MACROD2: variants seen among roughly 807,000 people sequenced by gnomAD.
MACROD2 encodes the protein ADP-ribose glycohydrolase MACROD2.
Under a neutral mutation model 70.4 loss-of-function variants are expected in MACROD2, and 36 were observed. The observed-to-expected ratio is 0.51, with a 90% CI of 0.39 to 0.68. The LOEUF is 0.68. Ranked by LOEUF, MACROD2 falls within the 30% of genes least tolerant of loss-of-function variation. The pLI is 0.00. For missense variants in MACROD2, 496 were observed against 538.4 expected, an observed-to-expected ratio of 0.92 and a Z score of 0.78; for synonymous variants, 172 against 178.8, an observed-to-expected ratio of 0.96 and a Z score of 0.30.
chr20:15,799,315 C>T (rs1001938486), intron 8 of MACROD2, among the ~76,000 whole-genome samples: 1 of 152,144 alleles, frequency 6.6e-6, no homozygotes, highest in African/African-American at 2.4e-5. Context: ...AATCTTCTAG[C>T]TATTTTTAAT....
At chr20:15,315,385 G>A (rs1304179) in intron 6 of MACROD2, among the ~76,000 whole-genome samples, 28,092 of 151,924 alleles carry the variant, frequency 0.18, 2,717 homozygotes, top group Middle Eastern at 0.27. Flanking sequence ...AGAGACTCAC[G>A]GTGAGACACA....
chr20:16,028,059 T>G (rs2067104170), intron 15 of MACROD2, among the ~76,000 whole-genome samples: 1 of 152,208 alleles, frequency 6.6e-6, no homozygotes, highest in African/African-American at 2.4e-5. Flanking sequence ...AAGCCAAATG[T>G]GATGACACCT....
intron 4 of MACROD2, among the ~76,000 whole-genome samples, chr20:14,639,856 G>A (rs1467991416): frequency 6.6e-6 from 1 of 152,060 alleles, no homozygotes; most frequent in Non-Finnish European, 1.5e-5. Context: ...AGTCTAATGG[G>A]GAACACTTTT....
chr20:15,520,599 G>A (rs564192342), intron 8 of MACROD2, among the ~76,000 whole-genome samples: 223 of 152,282 alleles, frequency 1.5e-3, no homozygotes, highest in African/African-American at 5.1e-3. Flanking sequence ...ACCCCCAACT[G>A]CCATGACAAT....
chr20:15,888,683 G>T (rs2064851607), intron 10 of MACROD2, among the ~76,000 whole-genome samples: 1 of 152,142 alleles, frequency 6.6e-6, no homozygotes, highest in African/African-American at 2.4e-5. Flanking sequence ...TTTGTCACCA[G>T]CAGCTGCATG....
At chr20:14,433,683 T>C (rs2084022079) in intron 3 of MACROD2, among the ~76,000 whole-genome samples, 2 of 152,072 alleles carry the variant, frequency 1.3e-5, no homozygotes, top group African/African-American at 2.4e-5. Context: ...AGCAATGCAA[T>C]GAAATGGAAA....
At chr20:14,747,496 C>G (rs930931139) in intron 5 of MACROD2, among the ~76,000 whole-genome samples, 4 of 152,120 alleles carry the variant, frequency 2.6e-5, no homozygotes, top group Non-Finnish European at 4.4e-5. Context: ...AAGGCTTCTG[C>G]CACCCTCTCT....
chr20:15,001,788 G>C (rs999364500), intron 5 of MACROD2, among the ~76,000 whole-genome samples: 2 of 151,730 alleles, frequency 1.3e-5, no homozygotes, highest in Non-Finnish European at 2.9e-5. Context: ...GTGGTGATTG[G>C]TGAGATTTTG....
chr20:15,746,733 A>G lies in MACROD2; in HGVS notation c.646-116012A>G, dbSNP rs1425248542. 2.0e-5 allele frequency among the ~76,000 whole-genome samples: 3 copies of G among 152,098 alleles called. No homozygotes were observed. In the East Asian group the frequency reaches 5.8e-4, roughly 29 times the overall value. ...GACATCGTTTGCTGAATTGTATTAA[A>G]TACATTTTCTGGATCTATTGAGGTT... On this transcript the variant is annotated intron_variant, in intron 8 of 17. Coordinates refer to ENST00000684519, the MANE Select transcript of MACROD2 (RefSeq NM_001351661.2).
chr20:15,979,294 T>C (rs1041022949), intron 13 of MACROD2, among the ~76,000 whole-genome samples: 2 of 152,138 alleles, frequency 1.3e-5, no homozygotes, highest in African/African-American at 4.8e-5. Flanking sequence ...ACATGGTTTA[T>C]TAGGAGCAAA....
At chr20:15,303,660 G>A (rs2077668372) in intron 6 of MACROD2, among the ~76,000 whole-genome samples, 1 of 152,128 alleles carries the variant, frequency 6.6e-6, no homozygotes, top group African/African-American at 2.4e-5. Flanking sequence ...ACAGAATCAT[G>A]TCACTCACTC....
intron 7 of MACROD2, among the ~76,000 whole-genome samples, chr20:15,443,573 C>T (rs2046523789): frequency 6.6e-6 from 1 of 152,076 alleles, no homozygotes; most frequent in Non-Finnish European, 1.5e-5. Flanking sequence ...CAAAATGTTC[C>T]TAGATCTTCT....
intron 5 of MACROD2, among the ~76,000 whole-genome samples, chr20:14,795,798 C>A (rs2072502874): frequency 6.6e-6 from 1 of 151,928 alleles, no homozygotes; most frequent in Admixed American, 6.6e-5. Flanking sequence ...ATTGTAAAGA[C>A]TGGAATAGTA....
At chr20:14,711,324 A>G (rs1157613503) in intron 5 of MACROD2, among the ~76,000 whole-genome samples, 1 of 152,198 alleles carries the variant, frequency 6.6e-6, no homozygotes, top group African/African-American at 2.4e-5. Flanking sequence ...TCATGTATCC[A>G]TTTTTGATCT....
intron 8 of MACROD2, among the ~76,000 whole-genome samples, chr20:15,508,414 C>T (rs949576334): frequency 1.3e-5 from 2 of 151,966 alleles, no homozygotes; most frequent in Non-Finnish European, 2.9e-5. Context: ...AGAATAGGTA[C>T]ATGAAGGAGT....
At chr20:14,346,331 T>C (rs1464783733) in intron 3 of MACROD2, among the ~76,000 whole-genome samples, 1 of 152,188 alleles carries the variant, frequency 6.6e-6, no homozygotes, top group African/African-American at 2.4e-5. Context: ...GTATGTTCTG[T>C]AGACTTCCTG....
intron 15 of MACROD2, among the ~76,000 whole-genome samples, chr20:16,024,099 C>T (rs938107368): frequency 2.0e-5 from 3 of 152,288 alleles, no homozygotes; most frequent in Admixed American, 1.3e-4. Context: ...TTAATTGCGG[C>T]ATTGATTAAT....
chr20:15,423,800 T>C (rs4814371), intron 6 of MACROD2, among the ~76,000 whole-genome samples: 68,385 of 151,890 alleles, frequency 0.45, 15,552 homozygotes, highest in African/African-American at 0.5. Flanking sequence ...ACATTGCATT[T>C]ATACTACTCC....
intron 3 of MACROD2, among the ~76,000 whole-genome samples, chr20:14,100,764 T>C (rs918209698): frequency 2.9e-4 from 41 of 140,160 alleles, no homozygotes; most frequent in Admixed American, 6.8e-4. Context: ...TATAAAAATA[T>C]AATCTATAAT....
Sources: allele counts gnomAD v4.1 joint callset (sites outside exome capture counted in the v4.1 genomes callset), GRCh38; gene constraint gnomAD v4.1.1; transcripts MANE v1.5; gene names NCBI Gene and HGNC (gene_info 2026-07-23, HGNC 2026-07-21).